AMPD3: variants seen among roughly 807,000 people sequenced by gnomAD.
AMPD3 encodes AMP deaminase 3.
In AMPD3, 57 loss-of-function variants were observed where a neutral mutation model predicts 82.3. The observed-to-expected ratio is 0.69, with a 90% CI of 0.56 to 0.86. AMPD3 has a LOEUF of 0.86. AMPD3 is among the 40% of genes least tolerant of loss of function. The pLI is 0.00. For synonymous variants in AMPD3, 381 were observed against 394.7 expected (o/e 0.97, Z 0.41); for missense variants, 870 against 1,003.8 (o/e 0.87, Z 1.80).
intron 9 of AMPD3, 152 bp downstream of exon 9, chr11:10,495,885 A>T: frequency 1.2e-6 from 1 of 858,942 alleles, no homozygotes; most frequent in Non-Finnish European, 1.8e-6. Context: ...AGAAGGAGTG[A>T]TGAAAAAGAT....
intron 2 of AMPD3, among the ~76,000 whole-genome samples, chr11:10,469,944 G>A (rs1427853709): frequency 1.3e-5 from 2 of 151,244 alleles, no homozygotes; most frequent in African/African-American, 4.9e-5. Flanking sequence ...GGAGGCTGAG[G>A]CAGGAGAATG....
At chr11:10,478,438 C>A (rs1256001914) in intron 2 of AMPD3, 88 bp from the exon 3 acceptor site, 59 of 1,585,912 alleles carry the variant, frequency 3.7e-5, no homozygotes, top group Non-Finnish European at 4.5e-5. Flanking sequence ...TAGCAAAATT[C>A]TCCTGCCACG....
chr11:10,478,777 A>G (rs1451812454), intron 3 of AMPD3, 47 bp downstream of exon 3: 6 of 1,597,006 alleles, frequency 3.8e-6, no homozygotes, highest in Non-Finnish European at 5.1e-6. Context: ...TGCAAAGGCC[A>G]GGGGCCCCAT....
rs1849616879 is a variant in AMPD3 at position 10,502,842 on chromosome 11, G to T, written c.1964G>T (p.Gly655Val). ...CCTCTGAGGGAATTCCTACACAAGG[G>T]ACTGCATGTTTCTCTTTCCACCGAT... ...KNPLREFLHK[G>V]LHVSLSTDDP... The change falls in exon 13 of 15, where the codon GGA becomes GTA. Residue 655 changes from glycine (G) to valine (V), a missense_variant. Coordinates refer to ENST00000396553, the MANE Select transcript of AMPD3 (RefSeq NM_001025389.2). 1 of 1,614,144 alleles carries T rather than the reference G, an allele frequency of 6.2e-7. No homozygotes were observed. The highest frequency in any genetic ancestry group is 1.3e-5 in the African/African-American group (1 of 75,022).
At position 10,505,715 on chromosome 11, in the gene AMPD3, A is replaced by G; in HGVS notation, c.2135A>G (p.Gln712Arg). The change falls in exon 15 of 15, where the codon CAA (glutamine) becomes CGA (arginine). Residue 712 changes from glutamine (Q) to arginine (R), a missense_variant. Coordinates refer to ENST00000396553, the MANE Select transcript of AMPD3 (RefSeq NM_001025389.2). ...LQSGLSHQEK[Q>R]KFLGQNYYKE... The stretch of plus-strand genomic sequence containing the variant: ...ATTTCTCTTGGTCCACAGGAAAAGC[A>G]AAAGTTTCTGGGACAAAATTATTAT... The G allele has an allele frequency of 6.2e-7, 1 of 1,613,804 alleles. No homozygotes were observed. The highest frequency in any genetic ancestry group is 1.7e-5 in the Admixed American group (1 of 60,034).
chr11:10,484,095 C>T (rs1455819129), intron 4 of AMPD3: 2 of 211,834 alleles, frequency 9.4e-6, no homozygotes, highest in Non-Finnish European at 1.6e-5. Flanking sequence ...ACTATTGCAA[C>T]CCTCACAGCA....
At chr11:10,484,425 C>G (rs1163087877) in intron 4 of AMPD3, 1 of 985,244 alleles carries the variant, frequency 1.0e-6, no homozygotes, top group Non-Finnish European at 1.2e-6. Context: ...TGGGAGAAGA[C>G]ACCGCTGCTC....
At position 10,507,164 on chromosome 11, in the gene AMPD3, C is replaced by T. The variant is rs1020930981; in HGVS notation, c.*1280C>T. 6.6e-6 allele frequency: 1 copy of T among 152,428 alleles called. No homozygotes were observed. The highest frequency in any genetic ancestry group is 1.5e-5 in the Non-Finnish European group (1 of 68,042). The allele number at this position is 152,428 out of a possible 1,614,324, so 9.4% of individuals were successfully genotyped here. A position where few individuals can be genotyped will look rare whatever the true frequency, so the allele number is the denominator to read the frequency against. ...TGGCAACTTTTTAAGGACATGTGCT[C>T]TTAGTACTTAAGAGGCTGCTCAAGG... On this transcript the variant is annotated 3_prime_UTR_variant, in exon 15 of 15. Coordinates refer to ENST00000396553, the MANE Select transcript of AMPD3 (RefSeq NM_001025389.2).
chr11:10,477,483 C>A (rs1335406573), intron 2 of AMPD3, among the ~76,000 whole-genome samples: 1 of 152,150 alleles, frequency 6.6e-6, no homozygotes, highest in Non-Finnish European at 1.5e-5. Flanking sequence ...AAGAGACTTG[C>A]AGTGACATAA....
rs780170456 is a variant in AMPD3 at position 10,500,131 on chromosome 11, C to A, written c.1603C>A (p.His535Asn). 1 of 1,614,172 alleles carries A rather than the reference C, an allele frequency of 6.2e-7. No homozygotes were observed. Among genetic ancestry groups the A allele is most frequent in the South Asian group, 1.1e-5 (1 of 91,082 alleles). Residue 535 changes from histidine (H) to asparagine (N), a missense_variant, in exon 11 of 15, where the codon CAC becomes AAC. Transcript: ENST00000396553. ...SVDDESKHSD[H>N]MFSDKSPNPD... ...GGATGATGAGTCCAAGCACAGCGAC[C>A]ACATGTTTTCCGACAAGAGCCCAAA...
chr11:10,500,030 C>A (rs558141815), intron 10 of AMPD3, 56 bp from the exon 11 acceptor site: 19 of 1,610,324 alleles, frequency 1.2e-5, no homozygotes, highest in Non-Finnish European at 1.5e-5. Flanking sequence ...GGAGGCTGAA[C>A]CGAGGCTGAG....
At chr11:10,469,605 C>G (rs577389672) in intron 2 of AMPD3, among the ~76,000 whole-genome samples, 29 of 152,238 alleles carry the variant, frequency 1.9e-4, no homozygotes, top group Non-Finnish European at 3.8e-4. Context: ...GAAACTATTC[C>G]CAACAATAGT....
chr11:10,496,643 A>G, intron 9 of AMPD3, 169 bp from the exon 10 acceptor site: 1 of 1,450,224 alleles, frequency 6.9e-7, no homozygotes, highest in South Asian at 1.3e-5. Flanking sequence ...TATTGCAGAC[A>G]TTGCTGGGAG....
intron 6 of AMPD3, among the ~76,000 whole-genome samples, chr11:10,489,578 C>G (rs1034056802): frequency 6.6e-6 from 1 of 152,194 alleles, no homozygotes; most frequent in Admixed American, 6.5e-5. Context: ...GACCCAGTGG[C>G]CTGTTCTTAG....
At chr11:10,501,645 C>G in intron 12 of AMPD3, 55 bp downstream of exon 12, 1 of 1,613,702 alleles carries the variant, frequency 6.2e-7, no homozygotes, top group Non-Finnish European at 8.5e-7. Flanking sequence ...CCCTGGGCTC[C>G]TGGGAGGCTC....
At chr11:10,485,309 C>T (rs11042845) in intron 5 of AMPD3, among the ~76,000 whole-genome samples, 20 of 152,124 alleles carry the variant, frequency 1.3e-4, no homozygotes, top group Non-Finnish European at 2.6e-4. Context: ...TGCAGTGGTG[C>T]GATCTTGGTT....
intron 5 of AMPD3, among the ~76,000 whole-genome samples, chr11:10,486,401 C>A (rs370246826): frequency 7.2e-5 from 11 of 152,132 alleles, no homozygotes; most frequent in Admixed American, 7.2e-4. Flanking sequence ...AGGTTCCATG[C>A]GGCTGTGGAT....
intron 6 of AMPD3, 99 bp from the exon 7 acceptor site, chr11:10,493,250 G>T (rs1849291607): frequency 1.4e-6 from 2 of 1,401,184 alleles, no homozygotes; most frequent in Admixed American, 3.3e-5. Context: ...GATGGCCCAT[G>T]AGGTGCTGGG....
intron 5 of AMPD3, among the ~76,000 whole-genome samples, chr11:10,486,267 A>T (rs994057005): frequency 6.6e-6 from 1 of 152,148 alleles, no homozygotes; most frequent in Non-Finnish European, 1.5e-5. Flanking sequence ...GTCTGGGCAG[A>T]TGGATGACTG....
Sources: allele counts gnomAD v4.1 joint callset (sites outside exome capture counted in the v4.1 genomes callset), GRCh38; gene constraint gnomAD v4.1.1; transcripts MANE v1.5; gene names NCBI Gene and HGNC (gene_info 2026-07-23, HGNC 2026-07-21).